The following SHANK2 variants were observed in gnomAD, a reference collection of about 807,000 sequenced individuals.
SHANK2 encodes the protein SH3 and multiple ankyrin repeat domains protein 2.
A neutral mutation model predicts 133.7 loss-of-function variants in SHANK2; 43 were observed. The observed-to-expected ratio is 0.32, with a 90% CI of 0.25 to 0.41. SHANK2 has a LOEUF of 0.41. Among genes scored for constraint, SHANK2 ranks in the 10% least tolerant of loss-of-function variants. The probability of loss-of-function intolerance (pLI) is 1.00; values close to 1 mark genes in which losing one functional copy is unlikely to be tolerated. For synonymous variants in SHANK2, 1,017 were observed against 952.8 expected (o/e 1.07, Z -1.24); for missense variants, 1,994 against 2,235.8 (o/e 0.89, Z 2.18).
At chr11:70,821,218 G>A (rs1369796204) in intron 11 of SHANK2, among the ~76,000 whole-genome samples, 2 of 152,122 alleles carry the variant, frequency 1.3e-5, no homozygotes, top group Non-Finnish European at 1.5e-5. Flanking sequence ...CATTAGTGGG[G>A]GCCCTGATCC....
At chr11:70,603,554 T>C (rs1554991542) in intron 17 of SHANK2, 2 of 152,318 alleles carry the variant, frequency 1.3e-5, no homozygotes, top group African/African-American at 4.8e-5. Flanking sequence ...GAGCCACTAA[T>C]AATGTGTCAC....
intron 12 of SHANK2, among the ~76,000 whole-genome samples, chr11:70,808,893 G>T (rs1948220601): frequency 6.6e-6 from 1 of 152,148 alleles, no homozygotes; most frequent in African/African-American, 2.4e-5. Flanking sequence ...CACGACCTCG[G>T]TTCTCCCAGT....
At chr11:70,673,311 G>C (rs1944850433) in intron 15 of SHANK2, among the ~76,000 whole-genome samples, 1 of 152,116 alleles carries the variant, frequency 6.6e-6, no homozygotes, top group African/African-American at 2.4e-5. Context: ...AAAAAAATCA[G>C]GGGAACAGTA....
chr11:70,801,910 G>C (rs1327332596), intron 13 of SHANK2, among the ~76,000 whole-genome samples: 1 of 152,166 alleles, frequency 6.6e-6, no homozygotes, highest in Non-Finnish European at 1.5e-5. Context: ...ACTTGCAGGG[G>C]AATACGGTGT....
At chr11:70,600,532 T>C (rs1485792321) in intron 17 of SHANK2, among the ~76,000 whole-genome samples, 2 of 149,102 alleles carry the variant, frequency 1.3e-5, no homozygotes, top group African/African-American at 2.5e-5. Flanking sequence ...CCTGAAGAGA[T>C]AAAAGGTGGG....
chr11:71,086,389 G>GATATATGATATATTATTTATAATATATA (rs1951416545), intron 8 of SHANK2, among the ~76,000 whole-genome samples: 1 of 125,688 alleles, frequency 8.0e-6, no homozygotes, highest in African/African-American at 3.1e-5. Context: ...TATAATATAT[G>GATATATGATATATTATTTATAATATATA]ATATATGATA....
chr11:71,197,068 G>A (rs184284362), intron 2 of SHANK2, among the ~76,000 whole-genome samples: 1 of 148,776 alleles, frequency 6.7e-6, no homozygotes, highest in East Asian at 2.0e-4. Flanking sequence ...CACGTGCCTC[G>A]CTCTCTCCCT....
chr11:71,144,707 T>C (rs1292411134), intron 3 of SHANK2, among the ~76,000 whole-genome samples: 1 of 152,202 alleles, frequency 6.6e-6, no homozygotes, highest in Non-Finnish European at 1.5e-5. Flanking sequence ...AGCCTTCCAG[T>C]GTTTCATAAT....
intron 17 of SHANK2, among the ~76,000 whole-genome samples, chr11:70,556,809 C>T (rs2059838294): frequency 6.6e-6 from 1 of 152,100 alleles, no homozygotes; most frequent in African/African-American, 2.4e-5. Flanking sequence ...CCAGGCTGGT[C>T]TCTAACTCCT....
intron 11 of SHANK2, among the ~76,000 whole-genome samples, chr11:70,890,478 A>G (rs1949822147): frequency 5.7e-4 from 2 of 3,520 alleles, no homozygotes; most frequent in Admixed American, 0.031. Flanking sequence ...GTCTCTACTA[A>G]AAAAAAAAAC....
chr11:71,141,154 C>T lies in SHANK2; in HGVS notation c.207+5966G>A, dbSNP rs575240248. ...CCACCTGCAGGTTACATGCTGCGTT[C>T]CGTTTGAGTGTACGGGACACATGCC... On this transcript the variant is annotated intron_variant, in intron 3 of 25. Coordinates refer to ENST00000601538, the MANE Select transcript of SHANK2 (RefSeq NM_012309.5). Among the ~76,000 whole-genome samples the T allele has an allele frequency of 1.2e-4, 19 of 152,322 alleles. No homozygotes were observed. In the East Asian group the frequency reaches 3.3e-3, roughly 26 times the overall value.
intron 14 of SHANK2, among the ~76,000 whole-genome samples, chr11:70,768,763 G>A (rs1445868952): frequency 6.6e-6 from 1 of 152,202 alleles, no homozygotes; most frequent in Non-Finnish European, 1.5e-5. Flanking sequence ...GAGGAGGCGG[G>A]CAGTGGTGGC....
At chr11:71,223,317 G>C (rs1415822469) in intron 2 of SHANK2, among the ~76,000 whole-genome samples, 1 of 152,242 alleles carries the variant, frequency 6.6e-6, no homozygotes, top group East Asian at 1.9e-4. Context: ...GGAAGGTGAA[G>C]CAGAGATAAA....
intron 17 of SHANK2, among the ~76,000 whole-genome samples, chr11:70,612,927 C>T (rs921394296): frequency 5.3e-5 from 8 of 152,198 alleles, no homozygotes; most frequent in Non-Finnish European, 1.5e-5. Flanking sequence ...ATTCATTCTC[C>T]CACCAGCGCA....
intron 8 of SHANK2, among the ~76,000 whole-genome samples, chr11:71,085,674 T>TATATTATATTATATATGTTATA (rs1951380118): frequency 2.7e-5 from 2 of 74,762 alleles, no homozygotes; most frequent in African/African-American, 1.1e-4. Context: ...ATATATGTTA[T>TATATTATATTATATATGTTATA]ATATATAATA....
rs1954953493 is a variant in SHANK2, at chr11:71,245,822, A to G, written c.-113+6603T>C. ...GCCACTGTAGGACCTTGAAATGCAG[A>G]CAGGAGCAAGGCGTGGTCCCTTTCC... On this transcript the variant is annotated intron_variant, in intron 1 of 25. Coordinates refer to ENST00000601538, the MANE Select transcript of SHANK2 (RefSeq NM_012309.5). Among the ~76,000 whole-genome samples, 4 of 152,226 alleles carry G rather than the reference A, an allele frequency of 2.6e-5. No homozygotes were observed. In the South Asian group the frequency reaches 8.3e-4, roughly 32 times the overall value.
intron 10 of SHANK2, 98 bp from the exon 11 acceptor site, chr11:70,896,665 C>T: frequency 4.6e-6 from 3 of 650,576 alleles, no homozygotes; most frequent in Middle Eastern, 2.4e-4. Context: ...CAAAAGAAGT[C>T]CAATCAGAAC....
chr11:70,588,864 C>G (rs1262827664), intron 17 of SHANK2, among the ~76,000 whole-genome samples: 1 of 152,236 alleles, frequency 6.6e-6, no homozygotes, highest in Non-Finnish European at 1.5e-5. Flanking sequence ...GTCGCCCAGG[C>G]TGGAGTGCAG....
intron 14 of SHANK2, among the ~76,000 whole-genome samples, chr11:70,723,299 G>GTCTC (rs57815500): frequency 0.041 from 5,969 of 145,754 alleles, 246 homozygotes; most frequent in African/African-American, 0.093. Flanking sequence ...TGGAGGGTCT[G>GTCTC]TCTCTCTCTC....
Sources: gnomAD v4.1 joint callset for allele counts (sites outside exome capture counted in the v4.1 genomes callset) on GRCh38, gnomAD v4.1.1 for gene constraint, MANE v1.5 for transcripts, NCBI Gene and HGNC (gene_info 2026-07-23, HGNC 2026-07-21) for gene names.